ATM: variants seen among roughly 807,000 people sequenced by gnomAD.
ATM encodes the protein serine-protein kinase ATM.
In ATM, 308 loss-of-function variants were observed where a neutral mutation model predicts 387.0. The ratio of observed to expected loss-of-function variants is 0.80; its 90% confidence interval spans 0.73 to 0.87. The LOEUF (loss-of-function observed/expected upper bound fraction) is 0.87, where lower values mean the gene tolerates loss of function less well. ATM is among the 40% of genes least tolerant of loss of function. The pLI, the probability that ATM is intolerant of heterozygous loss-of-function variation, is 0.00. For synonymous variants in ATM, 1,156 were observed against 1,187.3 expected, an observed-to-expected ratio of 0.97 and a Z score of 0.54; for missense variants, 3,312 against 3,560.9, an observed-to-expected ratio of 0.93 and a Z score of 1.78.
rs1064795166 is a variant in ATM, at chr11:108,326,158, A to G, written c.6908A>G (p.Lys2303Arg). The change falls in exon 47 of 63, where the codon AAG (lysine) becomes AGG (arginine). Residue 2303 changes from lysine (K) to arginine (R), a missense_variant. This residue lies in a region of ATM where 1,405 missense variants were observed against 1,604.4 expected (regional missense o/e 0.88). Coordinates refer to ENST00000675843, the MANE Select transcript of ATM (RefSeq NM_000051.4). ...LEEAQVFWAK[K>R]EQSLALSILK... The stretch of plus-strand genomic sequence containing the variant: ...GAAGCACAAGTATTCTGGGCAAAAA[A>G]GGAGCAGAGTCTTGCCCTGAGTATT... 6.2e-7 allele frequency: 1 copy of G among 1,614,090 alleles called. No homozygotes were observed. The highest frequency in any genetic ancestry group is 1.3e-5 in the African/African-American group (1 of 74,948).
At chr11:108,363,830 T>TAATTTAG (rs2091057459) in intron 61 of ATM, among the ~76,000 whole-genome samples, 1 of 152,176 alleles carries the variant, frequency 6.6e-6, no homozygotes, top group Non-Finnish European at 1.5e-5. Context: ...GGTTTTGAAG[T>TAATTTAG]AATTTAGATT....
chr11:108,292,566 G>C (rs946705893), intron 29 of ATM, 53 bp from the exon 30 acceptor site: 5 of 1,576,864 alleles, frequency 3.2e-6, no homozygotes, highest in African/African-American at 1.4e-5. Context: ...TTATTTCAGA[G>C]TAATTTTCCA....
rs557247667 is a variant in ATM, at chr11:108,249,919, G to T, written c.1236-782G>T. Among the ~76,000 whole-genome samples, 256 of 152,170 alleles carry T rather than the reference G, an allele frequency of 1.7e-3. 2 individuals are homozygous for T. Among genetic ancestry groups the T allele is most frequent in the African/African-American group, 5.3e-3 (221 of 41,498 alleles). ...GTCAAGAGTAATTTATTGAACACCT[G>T]TTATGGGCTAAGCGTTAGATATACA... is the stretch of plus-strand genomic sequence containing the variant. On this transcript the variant is annotated intron_variant, in intron 9 of 62. Coordinates refer to ENST00000675843, the MANE Select transcript of ATM (RefSeq NM_000051.4).
rs1555073624 is a variant in ATM at position 108,254,125 on chromosome 11, C to T, written c.2124+86C>T. 26 of 1,312,636 alleles carry T rather than the reference C, an allele frequency of 2.0e-5. No individual in the cohort carries two copies. In the South Asian group the frequency reaches 2.7e-4, roughly 14 times the overall value. The allele number at this position is 1,312,636 out of a possible 1,614,324, so 81.3% of individuals were successfully genotyped here. On this transcript the variant is annotated intron_variant, in intron 13 of 62. Transcript: ENST00000675843. Reference sequence around the variant, plus strand: ...GAAGGAGAAATAGGGGCAGGAAAAACAGCAAGGATGGTGGGAGGCTTCATT... The same window carrying T: ...GAAGGAGAAATAGGGGCAGGAAAAATAGCAAGGATGGTGGGAGGCTTCATT...
rs11212565 is a variant in ATM, at chr11:108,239,212, G to A, written c.496+3378G>A. On this transcript the variant is annotated intron_variant, in intron 5 of 62. Transcript: ENST00000675843. ...AGCTAACTTGCTGTCTTTCTGCCAT[G>A]TGAAGATACAGTTCAAAGTCAGTAG... Among the ~76,000 whole-genome samples the A allele has an allele frequency of 6.0e-3, 918 of 152,318 alleles. 6 individuals carry two copies. The highest frequency in any genetic ancestry group is 0.01 in the East Asian group (54 of 5,188).
chr11:108,356,219 A>AT (rs1430179731), intron 61 of ATM: 1 of 152,126 alleles, frequency 6.6e-6, no homozygotes, highest in African/African-American at 2.4e-5. Context: ...CTCTAAAGTT[A>AT]TATTATCTTG....
rs908781160 is a variant in ATM, at chr11:108,331,914, C to T, written c.7665C>T (p.His2555=). Residue 2555 remains histidine (H), a synonymous_variant, in exon 52 of 63, where the codon CAC becomes CAT. Coordinates refer to ENST00000675843, the MANE Select transcript of ATM (RefSeq NM_000051.4). The part of the protein sequence containing the change: ...ISRISMDHPH[H]TLFIILALAN... The stretch of plus-strand genomic sequence containing the variant: ...GAATTTCAATGGATCACCCCCATCA[C>T]ACTTTGTTTATTATACTGGCCTTAG... 1.2e-6 allele frequency: 2 copies of T among 1,613,984 alleles called. No individual in the cohort carries two copies. Among genetic ancestry groups the T allele is most frequent in the East Asian group, 2.2e-5 (1 of 44,854 alleles).
At position 108,325,297 on chromosome 11, in the gene ATM, T is replaced by A. The variant is rs530565990; in HGVS notation, c.6573-13T>A. 1 of 1,357,104 alleles carries A rather than the reference T, an allele frequency of 7.4e-7. No homozygotes were observed. The highest frequency in any genetic ancestry group is 1.5e-5 in the African/African-American group (1 of 68,936). The allele number at this position is 1,357,104 out of a possible 1,614,324, so 84.1% of individuals were successfully genotyped here. ...TTCTCTTGCTTACATGAACTCTATG[T>A]CGTGGCATTCAGATCAGTCACACAT... On this transcript the variant is annotated splice_polypyrimidine_tract_variant and intron_variant, in intron 45 of 62. Coordinates refer to ENST00000675843, the MANE Select transcript of ATM (RefSeq NM_000051.4).
intron 10 of ATM, 21 bp downstream of exon 10, chr11:108,251,093 G>A (rs774531121): frequency 1.2e-6 from 2 of 1,613,608 alleles, no homozygotes; most frequent in East Asian, 2.2e-5. Flanking sequence ...CATGCATTAT[G>A]TCTGACTTAC....
intron 4 of ATM, among the ~76,000 whole-genome samples, chr11:108,231,337 G>A (rs2079001547): frequency 6.6e-6 from 1 of 152,182 alleles, no homozygotes; most frequent in South Asian, 2.1e-4. Context: ...GCAGAAGTGT[G>A]TGTTCAGGGA....
rs772741084 is a variant in ATM, at chr11:108,282,731, A to G, written c.3598A>G (p.Thr1200Ala). The change falls in exon 25 of 63, where the codon ACT (threonine) becomes GCT (alanine). Residue 1200 changes from threonine (T) to alanine (A), a missense_variant. Physicochemically the swap from Thr to Ala is moderately conservative, Grantham distance 58. Around this residue, in one of 4 missense-constraint regions of ATM, gnomAD observed 1,791 missense variants for 1,804.5 expected, o/e 0.99. Transcript: ENST00000675843. ...GCAGGTTTTAGAGAAAGTTTCTGAA[A>G]CTTTTGGATATAGACGTTTAGAAGA... ...VKKVLEKVSETFGYRRLEDFM... is the reference protein window; with the variant it reads ...VKKVLEKVSEAFGYRRLEDFM... 6.2e-7 allele frequency: 1 copy of G among 1,613,304 alleles called. No individual in the cohort carries two copies. Among genetic ancestry groups the G allele is most frequent in the South Asian group, 1.1e-5 (1 of 90,904 alleles).
At chr11:108,289,556 G>A (rs2082666384) in intron 28 of ATM, 46 bp from the exon 29 acceptor site, 8 of 1,399,598 alleles carry the variant, frequency 5.7e-6, no homozygotes, top group South Asian at 1.3e-5. Flanking sequence ...TATTGTAGCC[G>A]AGTATCTAAT....
chr11:108,226,351 T>C (rs1436656394), intron 1 of ATM: 2 of 152,174 alleles, frequency 1.3e-5, no homozygotes, highest in African/African-American at 4.8e-5. Flanking sequence ...TTTGTGTCCA[T>C]GTTGAAATGC....
chr11:108,252,035 A>G lies in ATM; in HGVS notation c.1802+4A>G. 1 of 1,609,886 alleles carries G rather than the reference A, an allele frequency of 6.2e-7. No homozygotes were observed. The highest frequency in any genetic ancestry group is 8.5e-7 in the Non-Finnish European group (1 of 1,178,596). On this transcript the variant is annotated splice_donor_region_variant and intron_variant, in intron 11 of 62. Coordinates refer to ENST00000675843, the MANE Select transcript of ATM (RefSeq NM_000051.4). The stretch of plus-strand genomic sequence containing the variant: ...AAGTGCCTCCAATTCTTCACAGGTA[A>G]TTTAAGTTCATTAGCATGCTGCTGT...
At position 108,250,765 on chromosome 11, in the gene ATM, C is replaced by G. The variant is rs1064795171; in HGVS notation, c.1300C>G (p.Pro434Ala). The G allele has an allele frequency of 1.2e-6, 2 of 1,612,822 alleles. No individual in the cohort carries two copies. The highest frequency in any genetic ancestry group is 1.7e-5 in the Admixed American group (1 of 59,880). ...AAGTTTACCTAACTGTGAGCTGTCT[C>G]CATTACTGATGATACTATCTCAGCT... The part of the protein sequence containing the change: ...PASLPNCELS[P>A]LLMILSQLLP... The change falls in exon 10 of 63, where the codon CCA becomes GCA. Residue 434 changes from proline (P) to alanine (A), a missense_variant. Transcript: ENST00000675843.
chr11:108,286,493 T>G (rs1312699642), intron 26 of ATM, among the ~76,000 whole-genome samples: 1 of 152,094 alleles, frequency 6.6e-6, no homozygotes, highest in Middle Eastern at 3.2e-3. Flanking sequence ...TTAAATACCC[T>G]TCAGAGGTTT....
intron 3 of ATM, among the ~76,000 whole-genome samples, chr11:108,228,115 G>A (rs1423464484): frequency 6.6e-6 from 1 of 152,038 alleles, no homozygotes; most frequent in Admixed American, 6.5e-5. Flanking sequence ...AAATGTTTTA[G>A]ACATATCTCA....
chr11:108,239,964 G>C (rs1376236017), intron 5 of ATM, among the ~76,000 whole-genome samples: 1 of 152,008 alleles, frequency 6.6e-6, no homozygotes, highest in Non-Finnish European at 1.5e-5. Context: ...TTTTTAAATT[G>C]ACTTTTATCT....
Position 108,325,160 on chromosome 11 carries a change from G to A in ATM, c.6573-150G>A, listed in dbSNP as rs1246036037. The stretch of plus-strand genomic sequence containing the variant: ...TAGTTTTCTAAATTTTGATCCATAT[G>A]TAGGATTATTTACAAGTTCTAGTCT... On this transcript the variant is annotated intron_variant, in intron 45 of 62. Transcript: ENST00000675843. 2.2e-5 allele frequency: 13 copies of A among 600,420 alleles called. No individual in the cohort carries two copies. In the East Asian group the frequency reaches 3.4e-4, roughly 16 times the overall value. 37.2% of individuals were successfully genotyped at this position (600,420 alleles called of 1,614,324 possible).
Sources: allele counts gnomAD v4.1 joint callset (sites outside exome capture counted in the v4.1 genomes callset), GRCh38; gene constraint gnomAD v4.1.1; regional missense constraint gnomAD v4.1.1; transcripts MANE v1.5; gene names NCBI Gene and HGNC (gene_info 2026-07-23, HGNC 2026-07-21).